The following CNR1 variants were observed in gnomAD, a reference collection of about 807,000 sequenced individuals.
CNR1 encodes the protein cannabinoid receptor 1 (brain).
Under a neutral mutation model 23.0 loss-of-function variants are expected in CNR1, and 10 were observed. The ratio of observed to expected loss-of-function variants is 0.43; its 90% CI spans 0.27 to 0.74. The LOEUF is 0.74. Among genes scored for constraint, CNR1 ranks in the 30% least tolerant of loss-of-function variants. The pLI, the probability that CNR1 is intolerant of heterozygous loss-of-function variation, is 0.19. For synonymous variants in CNR1, 271 were observed against 255.2 expected (o/e 1.06, Z -0.59); for missense variants, 422 against 618.8 (o/e 0.68, Z 3.37).
upstream of CNR1, among the ~76,000 whole-genome samples, chr6:88,166,735 G>A (rs1338542783): frequency 6.6e-6 from 1 of 152,124 alleles, no homozygotes; most frequent in Non-Finnish European, 1.5e-5. Context: ...ACGCTCCCGG[G>A]CAGCGCGCAT....
rs549976838 is a variant in CNR1, at chr6:88,158,333, A to C, written c.-64+7470T>G. Reference sequence around the variant, plus strand: ...ATACAATTAAGAATTAAGAGATTCCAGGAACTGAAAAGTGTTCAGAAAAAG... The same window carrying C: ...ATACAATTAAGAATTAAGAGATTCCCGGAACTGAAAAGTGTTCAGAAAAAG... On this transcript the variant is annotated intron_variant, in intron 1 of 1. Transcript: ENST00000369501. 8.8e-4 allele frequency among the ~76,000 whole-genome samples: 134 copies of C among 152,356 alleles called. 1 individual carries two copies. Among genetic ancestry groups the C allele is most frequent in the African/African-American group, 3.0e-3 (123 of 41,592 alleles).
In CNR1 at chr6:88,143,416, C is replaced by A. The variant is rs1010567490; in HGVS notation, c.*440G>T. 3.6e-5 allele frequency: 6 copies of A among 165,818 alleles called. No individual in the cohort carries two copies. The highest frequency in any genetic ancestry group is 7.9e-5 in the Non-Finnish European group (6 of 75,938). The allele number at this position is 165,818 out of a possible 1,614,324, so 10.3% of individuals were successfully genotyped here. ...CACATAAACACTGATACACATCTCA[C>A]AGGACATAATACATTTTACAAAATA... is the stretch of plus-strand genomic sequence containing the variant. On this transcript the variant is annotated 3_prime_UTR_variant, in exon 2 of 2. Coordinates refer to ENST00000369501, the MANE Select transcript of CNR1 (RefSeq NM_016083.6).
chr6:88,152,396 A>G (rs960351771), intron 1 of CNR1, among the ~76,000 whole-genome samples: 1 of 152,158 alleles, frequency 6.6e-6, no homozygotes, highest in African/African-American at 2.4e-5. Flanking sequence ...TTCTTCAGTG[A>G]AGACAAAGGA....
rs1377915723 is a variant in CNR1, at chr6:88,144,350, T to C, written c.925A>G (p.Ile309Val). 6.2e-7 allele frequency: 1 copy of C among 1,613,780 alleles called. No homozygotes were observed. The highest frequency in any genetic ancestry group is 1.3e-5 in the African/African-American group (1 of 74,992). ...ATGCTCTTCTGGGTGCCACGCTGAATCATGCGGACGGCGTGGCTGTGAGCC... is the reference window on the plus strand; with the variant it reads ...ATGCTCTTCTGGGTGCCACGCTGAACCATGCGGACGGCGTGGCTGTGAGCC... ...WKAHSHAVRM[I>V]QRGTQKSIII... The change falls in exon 2 of 2, where the codon ATT becomes GTT. Residue 309 changes from isoleucine (I) to valine (V), a missense_variant. Transcript: ENST00000369501. This position sits in a 1 kb window ranked among gnomAD's most constrained non-coding sequence, Gnocchi z 7.8.
chr6:88,167,210 C>T (rs937838092), upstream of CNR1, among the ~76,000 whole-genome samples: 2 of 151,616 alleles, frequency 1.3e-5, no homozygotes, highest in Non-Finnish European at 3.0e-5. Flanking sequence ...GAGGAGGACG[C>T]CCCACTCCAG....
chr6:88,158,275 A>G (rs1777908144), intron 1 of CNR1, among the ~76,000 whole-genome samples: 1 of 152,260 alleles, frequency 6.6e-6, no homozygotes. Flanking sequence ...TATTGTATTC[A>G]TTCCGGATCG....
In CNR1 at chr6:88,144,579, C is replaced by T; in HGVS notation, c.696G>A (p.Lys232=). Residue 232 remains lysine, a synonymous_variant, in exon 2 of 2, where the codon AAG becomes AAA. Transcript: ENST00000369501. The surrounding 1 kb of genome is among the most constrained non-coding windows in gnomAD (Gnocchi z 7.8). ...ACATCAGGCAAAACGCCACCACGGC[C>T]TTGGGCCTGGTGACAATCCTCTTAT... The part of the protein sequence containing the change: ...LAYKRIVTRP[K]AVVAFCLMWT... The T allele has an allele frequency of 1.9e-6, 3 of 1,614,224 alleles. No homozygotes were observed. The highest frequency in any genetic ancestry group is 1.7e-6 in the Non-Finnish European group (2 of 1,180,048).
chr6:88,166,917 C>T (rs1275143859), upstream of CNR1, among the ~76,000 whole-genome samples: 2 of 151,858 alleles, frequency 1.3e-5, no homozygotes, highest in African/African-American at 2.4e-5. Flanking sequence ...GGCCCGGGGC[C>T]GGGCTGAGCT....
chr6:88,145,419 G>C lies in CNR1; in HGVS notation c.-63-82C>G. The stretch of plus-strand genomic sequence containing the variant: ...AAGAGACACTGTAAATGTGGCAAAT[G>C]TACTGTCATGGCAACTCATTCCTGT... On this transcript the variant is annotated intron_variant, in intron 1 of 1. Transcript: ENST00000369501. The C allele has an allele frequency of 5.9e-6, 4 of 674,254 alleles. No homozygotes were observed. In the South Asian group the frequency reaches 7.8e-5, roughly 13 times the overall value. The allele number at this position is 674,254 out of a possible 1,614,324, so 41.8% of individuals were successfully genotyped here.
chr6:88,145,003 T>C lies in CNR1; in HGVS notation c.272A>G (p.Glu91Gly). The C allele has an allele frequency of 6.2e-7, 1 of 1,614,192 alleles. No individual in the cohort carries two copies. The highest frequency in any genetic ancestry group is 8.5e-7 in the Non-Finnish European group (1 of 1,180,024). ...FYNKSLSSFK[E>G]NEENIQCGEN... ...CCCACACTGGATGTTCTCCTCATTCTCCTTGAAGGACGAGAGAGACTTGTT... is the reference window on the plus strand; with the variant it reads ...CCCACACTGGATGTTCTCCTCATTCCCCTTGAAGGACGAGAGAGACTTGTT... The change falls in exon 2 of 2, where the codon GAG (glutamate) becomes GGG (glycine). Residue 91 changes from glutamate (E) to glycine (G), a missense_variant. Physicochemically the swap from Glu to Gly is moderately conservative, Grantham distance 98. Transcript: ENST00000369501.
At chr6:88,159,915 G>C (rs1777999329) in intron 1 of CNR1, among the ~76,000 whole-genome samples, 1 of 151,524 alleles carries the variant, frequency 6.6e-6, no homozygotes, top group African/African-American at 2.4e-5. Flanking sequence ...AAATAAATTT[G>C]ATTAATTTTT....
At chr6:88,157,563 A>C (rs1777868665) in intron 1 of CNR1, among the ~76,000 whole-genome samples, 1 of 152,346 alleles carries the variant, frequency 6.6e-6, no homozygotes, top group South Asian at 2.1e-4. Context: ...TAATATATTG[A>C]TAAAAATTAA....
chr6:88,167,041 C>A (rs1047417972), upstream of CNR1, among the ~76,000 whole-genome samples: 1 of 151,652 alleles, frequency 6.6e-6, no homozygotes, highest in Non-Finnish European at 1.5e-5. Flanking sequence ...CCTTCTCCAG[C>A]GCCCGCCGCC....
rs761413185 is a variant in CNR1, at chr6:88,145,054, T to C, written c.221A>G (p.Asp74Gly). 1.4e-5 allele frequency: 22 copies of C among 1,614,190 alleles called. No homozygotes were observed. The highest frequency in any genetic ancestry group is 1.8e-5 in the Non-Finnish European group (21 of 1,180,028). Reference sequence around the variant, plus strand: ...GTAAAATTCTGTAATGTTCACCTGGTCTGCTGGGACTAGCTGGGGGTTGTC... The same window carrying C: ...GTAAAATTCTGTAATGTTCACCTGGCCTGCTGGGACTAGCTGGGGGTTGTC... ...AGDNPQLVPA[D>G]QVNITEFYNK... Residue 74 changes from aspartate (D) to glycine (G), a missense_variant, in exon 2 of 2, where the codon GAC (aspartate) becomes GGC (glycine). Asp to Gly is a moderately conservative substitution (Grantham distance 94, BLOSUM62 -1). Transcript: ENST00000369501.
chr6:88,157,053 A>C (rs1777839633), intron 1 of CNR1, among the ~76,000 whole-genome samples: 1 of 152,236 alleles, frequency 6.6e-6, no homozygotes, highest in Admixed American at 6.5e-5. Context: ...CAGCCTGAGT[A>C]CATATTATGA....
chr6:88,163,819 C>T (rs2127772825), intron 1 of CNR1, among the ~76,000 whole-genome samples: 1 of 152,190 alleles, frequency 6.6e-6, no homozygotes, highest in Admixed American at 6.5e-5. Context: ...TTTTGAAATG[C>T]CAAAAAGAAC....
chr6:88,154,340 G>A (rs1328560648), intron 1 of CNR1, among the ~76,000 whole-genome samples: 1 of 152,128 alleles, frequency 6.6e-6, no homozygotes, highest in Non-Finnish European at 1.5e-5. Flanking sequence ...ACAATTTCAG[G>A]GCTCAAGAAA....
chr6:88,153,581 G>C (rs1777643340), intron 1 of CNR1, among the ~76,000 whole-genome samples: 2 of 152,136 alleles, frequency 1.3e-5, no homozygotes, highest in African/African-American at 2.4e-5. Context: ...TACTTTGTTG[G>C]TTCTGTTGTT....
At chr6:88,162,724 C>T (rs961353724) in intron 1 of CNR1, among the ~76,000 whole-genome samples, 34 of 152,290 alleles carry the variant, frequency 2.2e-4, no homozygotes, top group Admixed American at 3.9e-4. Flanking sequence ...GACTTCTCTA[C>T]CAGTCTTCAG....
Sources: gnomAD v4.1 joint callset for allele counts (sites outside exome capture counted in the v4.1 genomes callset) on GRCh38, gnomAD v4.1.1 for gene constraint, Gnocchi (gnomAD v3.1) non-coding constraint, MANE v1.5 for transcripts, NCBI Gene and HGNC (gene_info 2026-07-23, HGNC 2026-07-21) for gene names.